Variants in SEC24A observed in about 807,000 individuals in gnomAD.
The protein encoded by SEC24A is SEC24 homolog A, COPII component, also known as protein transport protein Sec24A.
Under a neutral mutation model 129.4 loss-of-function variants are expected in SEC24A, and 93 were observed. The observed-to-expected ratio is 0.72, with a 90% CI of 0.61 to 0.85. SEC24A has a LOEUF of 0.85. Among genes scored for constraint, SEC24A ranks in the 40% least tolerant of loss-of-function variants. The pLI is 0.00. For synonymous variants in SEC24A, 460 were observed against 467.3 expected (o/e 0.98, Z 0.20); for missense variants, 1,264 against 1,307.4 (o/e 0.97, Z 0.51).
At chr5:134,667,380 G>A (rs2150076681) in intron 3 of SEC24A, among the ~76,000 whole-genome samples, 1 of 152,128 alleles carries the variant, frequency 6.6e-6, no homozygotes, top group African/African-American at 2.4e-5. Flanking sequence ...GCCAGGCGCG[G>A]TGGCTCACAC....
intron 12 of SEC24A, 89 bp from the exon 13 acceptor site, chr5:134,693,638 C>G: frequency 1.3e-6 from 2 of 1,505,182 alleles, no homozygotes; most frequent in Non-Finnish European, 1.8e-6. Flanking sequence ...CATCATGACT[C>G]AATGTCTTGT....
At chr5:134,688,447 G>A (rs1327802788) in intron 11 of SEC24A, 148 bp downstream of exon 11, 5 of 606,028 alleles carry the variant, frequency 8.3e-6, no homozygotes, top group Non-Finnish European at 1.2e-5. Context: ...GAGTCTTTCA[G>A]TTCAATCTCT....
chr5:134,656,764 G>A (rs994089709), intron 1 of SEC24A, among the ~76,000 whole-genome samples: 1 of 149,660 alleles, frequency 6.7e-6, no homozygotes, highest in Non-Finnish European at 1.5e-5. Flanking sequence ...ACAGGCATGA[G>A]CCACTGCATC....
Position 134,679,663 on chromosome 5 carries a change from A to G in SEC24A, c.1316A>G (p.Asn439Ser), listed in dbSNP as rs780234471. Reference sequence around the variant, plus strand: ...TGCCGTTCATGCAGGACGTACATCAATCCTTTCGTCAGCTTTCTTGATCAA... The same window carrying G: ...TGCCGTTCATGCAGGACGTACATCAGTCCTTTCGTCAGCTTTCTTGATCAA... ...VRCRSCRTYI[N>S]PFVSFLDQRR... Residue 439 changes from asparagine to serine, a missense_variant, in exon 8 of 23, where the codon AAT becomes AGT. Coordinates refer to ENST00000398844, the MANE Select transcript of SEC24A (RefSeq NM_021982.3). The G allele has an allele frequency of 6.9e-6, 11 of 1,603,564 alleles. No individual in the cohort carries two copies. Among genetic ancestry groups the G allele is most frequent in the East Asian group, 4.5e-5 (2 of 44,794 alleles).
At chr5:134,651,348 A>G (rs1580670185) in intron 1 of SEC24A, among the ~76,000 whole-genome samples, 1 of 149,474 alleles carries the variant, frequency 6.7e-6, no homozygotes, top group Admixed American at 6.7e-5. Context: ...AGGCTGGAGT[A>G]CAATGGCTCG....
intron 3 of SEC24A, among the ~76,000 whole-genome samples, chr5:134,668,124 G>C (rs1750728540): frequency 6.6e-6 from 1 of 152,120 alleles, no homozygotes; most frequent in South Asian, 2.1e-4. Context: ...TGAGGCAGGA[G>C]AGCTTTTGAT....
In SEC24A at chr5:134,661,179, A is replaced by G; in HGVS notation, c.158A>G (p.Gln53Arg). 4 of 1,613,984 alleles carry G rather than the reference A, an allele frequency of 2.5e-6. No homozygotes were observed. The highest frequency in any genetic ancestry group is 3.4e-6 in the Non-Finnish European group (4 of 1,179,964). ...TCAGTGAGCCAAGGATACAATTTCC[A>G]GCTTCCAGGATCCTACCCTCATCCA... Reference protein sequence around the residue: ...QESVSQGYNFQLPGSYPHPIP... With the variant: ...QESVSQGYNFRLPGSYPHPIP... Residue 53 changes from glutamine (Q) to arginine (R), a missense_variant, in exon 2 of 23, where the codon CAG (glutamine) becomes CGG (arginine). By Grantham distance (43) the Gln-to-Arg change is conservative. Transcript: ENST00000398844.
intron 19 of SEC24A, among the ~76,000 whole-genome samples, chr5:134,716,967 C>T (rs1752494758): frequency 6.6e-6 from 1 of 150,458 alleles, no homozygotes; most frequent in African/African-American, 2.4e-5. Context: ...GCAGCCTCCG[C>T]CTCCCAGGTT....
intron 1 of SEC24A, 51 bp downstream of exon 1, chr5:134,649,224 T>C: frequency 7.5e-7 from 1 of 1,337,490 alleles, no homozygotes; most frequent in South Asian, 1.3e-5. Context: ...TGACTGACCT[T>C]TGCGTGCCAC....
chr5:134,676,866 C>A (rs1433326605), intron 7 of SEC24A, among the ~76,000 whole-genome samples: 1 of 152,110 alleles, frequency 6.6e-6, no homozygotes, highest in African/African-American at 2.4e-5. Flanking sequence ...AGATTACTTA[C>A]AATTCAACCA....
chr5:134,692,474 G>A (rs889757851), intron 11 of SEC24A, 128 bp from the exon 12 acceptor site: 5 of 595,062 alleles, frequency 8.4e-6, no homozygotes, highest in Non-Finnish European at 1.5e-5. Context: ...CATGTAAACA[G>A]TGCTATAATA....
intron 1 of SEC24A, among the ~76,000 whole-genome samples, chr5:134,651,411 C>T (rs1750044561): frequency 1.3e-5 from 2 of 151,034 alleles, no homozygotes; most frequent in East Asian, 1.9e-4. Flanking sequence ...TCTCGTGCCT[C>T]AGCCTCCCGA....
At chr5:134,692,247 G>A (rs149292659) in intron 11 of SEC24A, among the ~76,000 whole-genome samples, 5,716 of 151,966 alleles carry the variant, frequency 0.038, 139 homozygotes, top group Non-Finnish European at 0.055. Flanking sequence ...GGGTTTTACT[G>A]TGTTGCCCAG....
chr5:134,689,751 G>T (rs796879597), intron 11 of SEC24A, among the ~76,000 whole-genome samples: 14 of 149,592 alleles, frequency 9.4e-5, no homozygotes, highest in African/African-American at 3.4e-4. Context: ...ACGACAGAGT[G>T]AGACTCCATC....
intron 13 of SEC24A, among the ~76,000 whole-genome samples, chr5:134,694,901 C>T (rs1231969766): frequency 1.3e-5 from 2 of 151,686 alleles, no homozygotes; most frequent in Admixed American, 1.3e-4. Flanking sequence ...ACCTTGTGTG[C>T]ATAAACTTTA....
chr5:134,700,658 T>C (rs1751978096), intron 15 of SEC24A, among the ~76,000 whole-genome samples: 1 of 151,806 alleles, frequency 6.6e-6, no homozygotes, highest in Non-Finnish European at 1.5e-5. Context: ...CTCTCTTATC[T>C]ATCCTTCACT....
chr5:134,723,854 TAAG>T (rs1752689088), intron 22 of SEC24A, among the ~76,000 whole-genome samples, 184 bp downstream of exon 22: 1 of 152,232 alleles, frequency 6.6e-6, no homozygotes, highest in African/African-American at 2.4e-5. Flanking sequence ...TGACTAATAA[TAAG>T]TGTATATATT....
At position 134,692,602 on chromosome 5, in the gene SEC24A, A is replaced by G; in HGVS notation, c.1724A>G (p.Asp575Gly). 1.5e-6 allele frequency: 2 copies of G among 1,301,470 alleles called. No individual in the cohort carries two copies. Among genetic ancestry groups the G allele is most frequent in the Non-Finnish European group, 2.2e-6 (2 of 911,496 alleles). 80.6% of individuals were successfully genotyped at this position (1,301,470 alleles called of 1,614,324 possible). ...AATAAATATGTATTTCTTCTTTCAG[A>G]TGTTTTTATACCTATGCCAGAGAAC... ...PQMLIVSDIE[D>G]VFIPMPENLL... Residue 575 changes from aspartate to glycine, a missense_variant and splice_region_variant, in exon 12 of 23, where the codon GAT (aspartate) becomes GGT (glycine). Asp to Gly is a moderately conservative substitution (Grantham distance 94, BLOSUM62 -1). Coordinates refer to ENST00000398844, the MANE Select transcript of SEC24A (RefSeq NM_021982.3).
At position 134,723,681 on chromosome 5, in the gene SEC24A, T is replaced by C. The variant is rs1435825312; in HGVS notation, c.3167+11T>C. 1.3e-6 allele frequency: 2 copies of C among 1,521,048 alleles called. No individual in the cohort carries two copies. The highest frequency in any genetic ancestry group is 3.4e-5 in the Admixed American group (2 of 59,360). 94.2% of individuals were successfully genotyped at this position (1,521,048 alleles called of 1,614,324 possible). On this transcript the variant is annotated intron_variant, in intron 22 of 22. Coordinates refer to ENST00000398844, the MANE Select transcript of SEC24A (RefSeq NM_021982.3). ...ACTTTATGTAATAAGGTAAGTTGAA[T>C]TTTCCATTTGCTAGTAGTAAAACAA...
Sources: gnomAD v4.1 joint callset for allele counts (sites outside exome capture counted in the v4.1 genomes callset) on GRCh38, gnomAD v4.1.1 for gene constraint, MANE v1.5 for transcripts, NCBI Gene and HGNC (gene_info 2026-07-23, HGNC 2026-07-21) for gene names.